The following NAALADL2 variants were observed in gnomAD, a reference collection of about 807,000 sequenced individuals.
The protein encoded by NAALADL2 is inactive N-acetylated-alpha-linked acidic dipeptidase-like protein 2.
NAALADL2 carries 76 observed loss-of-function variants against 87.2 expected under a neutral mutation model. The ratio of observed to expected loss-of-function variants is 0.87; its 90% CI spans 0.72 to 1.05. The LOEUF (loss-of-function observed/expected upper bound fraction) is 1.05. NAALADL2 is among the 50% of genes least tolerant of loss of function. The pLI, the probability that NAALADL2 is intolerant of heterozygous loss-of-function variation, is 0.00. For synonymous variants in NAALADL2, 354 were observed against 331.0 expected, an observed-to-expected ratio of 1.07 and a Z score of -0.75; for missense variants, 1,089 against 945.8, an observed-to-expected ratio of 1.15 and a Z score of -1.99.
intron 3 of NAALADL2, among the ~76,000 whole-genome samples, chr3:174,833,339 C>T (rs781234987): frequency 9.2e-5 from 14 of 152,092 alleles, no homozygotes; most frequent in African/African-American, 2.9e-4. Context: ...AGGACACATA[C>T]TATCAATACT....
chr3:175,101,541 A>T (rs1341319760), intron 2 of NAALADL2, among the ~76,000 whole-genome samples: 1 of 152,246 alleles, frequency 6.6e-6, no homozygotes, highest in Non-Finnish European at 1.5e-5. Flanking sequence ...TAAAGAAATG[A>T]CATATACACA....
intron 3 of NAALADL2, among the ~76,000 whole-genome samples, chr3:174,758,101 T>C (rs1341720772): frequency 6.6e-6 from 1 of 152,144 alleles, no homozygotes. Context: ...TGAGTGCCAA[T>C]CATTTGCCTT....
intron 5 of NAALADL2, among the ~76,000 whole-genome samples, chr3:175,352,470 G>T (rs188361554): frequency 6.6e-6 from 1 of 152,132 alleles, no homozygotes; most frequent in African/African-American, 2.4e-5. Context: ...CAGAGTTAAG[G>T]TGGGTTTAAA....
chr3:174,927,029 G>GAAA (rs552773959), intron 1 of NAALADL2, among the ~76,000 whole-genome samples: 99 of 99,148 alleles, frequency 1.0e-3, no homozygotes, highest in African/African-American at 2.2e-3. Context: ...AGCAAATGAA[G>GAAA]AAAAAAAAAA....
chr3:175,654,740 A>G lies in NAALADL2; in HGVS notation c.1896+27354A>G, dbSNP rs191033724. The stretch of plus-strand genomic sequence containing the variant: ...TTCATTTATTTGTGAATGGCAGGCA[A>G]ATGAAGCCACAGGCTTCATTGTGTG... On this transcript the variant is annotated intron_variant, in intron 11 of 13. Transcript: ENST00000454872. Among the ~76,000 whole-genome samples the G allele has an allele frequency of 6.7e-4, 102 of 152,220 alleles. 1 individual carries two copies. In the East Asian group the frequency reaches 0.01, roughly 15 times the overall value.
intron 3 of NAALADL2, among the ~76,000 whole-genome samples, chr3:174,806,282 A>G (rs1021186944): frequency 3.9e-5 from 6 of 152,184 alleles, no homozygotes; most frequent in African/African-American, 1.4e-4. Context: ...TACAGTCCCA[A>G]TTATTGCCTC....
intron 2 of NAALADL2, among the ~76,000 whole-genome samples, chr3:174,682,384 TAGA>T (rs1201258736): frequency 7.2e-5 from 11 of 152,088 alleles, no homozygotes; most frequent in Non-Finnish European, 8.8e-5. Context: ...CTGCTGTTGA[TAGA>T]GCCCTAGGTC....
chr3:175,475,915 G>T (rs1490064429), intron 9 of NAALADL2, among the ~76,000 whole-genome samples: 1 of 152,020 alleles, frequency 6.6e-6, no homozygotes, highest in Non-Finnish European at 1.5e-5. Context: ...AGAGATGGGG[G>T]TCTTGCTGTG....
intron 1 of NAALADL2, among the ~76,000 whole-genome samples, chr3:174,894,312 C>T (rs553700083): frequency 1.1e-4 from 17 of 151,972 alleles, no homozygotes; most frequent in African/African-American, 2.7e-4. Flanking sequence ...AAAATCAGGC[C>T]GGGCACAATG....
intron 2 of NAALADL2, among the ~76,000 whole-genome samples, chr3:174,568,827 CT>C (rs1560061897): frequency 6.6e-6 from 1 of 150,956 alleles, no homozygotes; most frequent in Non-Finnish European, 1.5e-5. Context: ...TATTATTATT[CT>C]TTTTTTAAAA....
chr3:175,581,181 C>T (rs938436996), intron 10 of NAALADL2: 3 of 375,228 alleles, frequency 8.0e-6, no homozygotes, highest in South Asian at 2.0e-5. Context: ...GTGGCTCATG[C>T]CTGTCATCTC....
At chr3:175,322,736 A>G (rs1216548577) in intron 4 of NAALADL2, among the ~76,000 whole-genome samples, 1 of 148,240 alleles carries the variant, frequency 6.7e-6, no homozygotes, top group Non-Finnish European at 1.5e-5. Flanking sequence ...CACATGAAAA[A>G]ATGCTCATCA....
At chr3:174,814,194 C>T (rs866869589) in intron 3 of NAALADL2, among the ~76,000 whole-genome samples, 3 of 151,844 alleles carry the variant, frequency 2.0e-5, no homozygotes, top group Admixed American at 6.6e-5. Context: ...CTGCAAGCTC[C>T]ACCCCCCGGG....
chr3:175,451,134 G>T (rs149152991), intron 6 of NAALADL2, among the ~76,000 whole-genome samples: 2 of 151,966 alleles, frequency 1.3e-5, no homozygotes, highest in Non-Finnish European at 2.9e-5. Context: ...TGAACTTTTC[G>T]TATATATGAG....
chr3:175,558,816 C>G (rs56166247), intron 9 of NAALADL2, among the ~76,000 whole-genome samples: 19,654 of 152,098 alleles, frequency 0.13, 1,368 homozygotes, highest in Middle Eastern at 0.17. Context: ...ATAATGTTTT[C>G]ATTACTATAA....
chr3:175,448,887 A>G lies in NAALADL2; in HGVS notation c.1234+1515A>G, dbSNP rs557879322. ...ACCACACTAGACTAATTTAAAAAGTATATATTTTTGTAGCCACAGGGTCTC... is the reference window on the plus strand; with the variant it reads ...ACCACACTAGACTAATTTAAAAAGTGTATATTTTTGTAGCCACAGGGTCTC... On this transcript the variant is annotated intron_variant, in intron 6 of 13. Coordinates refer to ENST00000454872, the MANE Select transcript of NAALADL2 (RefSeq NM_207015.3). Among the ~76,000 whole-genome samples, 344 of 151,898 alleles carry G rather than the reference A, an allele frequency of 2.3e-3. 2 individuals are homozygous for G. Among genetic ancestry groups the G allele is most frequent in the South Asian group, 0.011 (52 of 4,814 alleles).
Position 175,648,899 on chromosome 3 carries a change from G to C in NAALADL2, c.1896+21513G>C, listed in dbSNP as rs1404342028. ...TTTGTCTTCTCTCTTCATACCTTCA[G>C]TTGTCCCTTTTGTAGACTAGTTACA... On this transcript the variant is annotated intron_variant, in intron 11 of 13. Coordinates refer to ENST00000454872, the MANE Select transcript of NAALADL2 (RefSeq NM_207015.3). Among the ~76,000 whole-genome samples, 2 of 152,128 alleles carry C rather than the reference G, an allele frequency of 1.3e-5. 1 individual carries two copies. Among genetic ancestry groups the C allele is most frequent in the Non-Finnish European group, 2.9e-5 (2 of 68,026 alleles).
Position 175,520,657 on chromosome 3 carries a change from A to G in NAALADL2, c.1653+48899A>G, listed in dbSNP as rs116048424. On this transcript the variant is annotated intron_variant, in intron 9 of 13. Transcript: ENST00000454872. Reference sequence around the variant, plus strand: ...AGAAAGTGAGTAAAATAGTGAATGCATCTGAAATTGCAGGATGTGAAATAT... The same window carrying G: ...AGAAAGTGAGTAAAATAGTGAATGCGTCTGAAATTGCAGGATGTGAAATAT... Among the ~76,000 whole-genome samples, 258 of 152,364 alleles carry G rather than the reference A, an allele frequency of 1.7e-3. 1 individual carries two copies. Among genetic ancestry groups the G allele is most frequent in the African/African-American group, 6.0e-3 (249 of 41,592 alleles).
chr3:175,151,968 A>G (rs1331042605), intron 2 of NAALADL2, among the ~76,000 whole-genome samples: 1 of 152,202 alleles, frequency 6.6e-6, no homozygotes, highest in East Asian at 1.9e-4. Context: ...AATGTCTACT[A>G]TAGTAATGCC....
Sources: allele counts gnomAD v4.1 joint callset (sites outside exome capture counted in the v4.1 genomes callset), GRCh38; gene constraint gnomAD v4.1.1; transcripts MANE v1.5; gene names NCBI Gene and HGNC (gene_info 2026-07-23, HGNC 2026-07-21).